SLC35F2: variants seen among roughly 807,000 people sequenced by gnomAD.
The protein encoded by SLC35F2 is queuine/queuosine transporter SLC35F2.
Under a neutral mutation model 38.1 loss-of-function variants are expected in SLC35F2, and 25 were observed. That is an observed-to-expected ratio of 0.66 (90% CI 0.48 to 0.92). SLC35F2 has a LOEUF of 0.92. Ranked by LOEUF, SLC35F2 falls within the 40% of genes least tolerant of loss-of-function variation. The pLI, the probability that SLC35F2 is intolerant of heterozygous loss-of-function variation, is 0.00. For synonymous variants in SLC35F2, 173 were observed against 181.7 expected, an observed-to-expected ratio of 0.95 and a Z score of 0.38; for missense variants, 409 against 452.9, an observed-to-expected ratio of 0.90 and a Z score of 0.88.
At chr11:107,843,560 A>C (rs923833770) in intron 1 of SLC35F2, among the ~76,000 whole-genome samples, 3 of 151,772 alleles carry the variant, frequency 2.0e-5, no homozygotes, top group Non-Finnish European at 4.4e-5. Context: ...CAAAAAAAAA[A>C]AAAAATTAAT....
chr11:107,798,532 C>T (rs981752599), intron 7 of SLC35F2, among the ~76,000 whole-genome samples: 4 of 152,084 alleles, frequency 2.6e-5, no homozygotes, highest in African/African-American at 4.8e-5. Context: ...GAATTAGAGG[C>T]GCTTACTTCT....
At chr11:107,816,075 CTAAT>C in intron 1 of SLC35F2, 110 bp from the exon 2 acceptor site, 1 of 1,313,424 alleles carries the variant, frequency 7.6e-7, no homozygotes, top group Admixed American at 3.8e-5. Flanking sequence ...AAGGGAAATG[CTAAT>C]TATTCCAGGT....
intron 7 of SLC35F2, among the ~76,000 whole-genome samples, chr11:107,795,789 TG>T (rs965131079): frequency 4.6e-5 from 7 of 152,328 alleles, no homozygotes; most frequent in African/African-American, 1.7e-4. Flanking sequence ...TCAGTTAGAA[TG>T]GCTATTATTA....
At chr11:107,823,310 G>A in intron 1 of SLC35F2, 1 of 590,570 alleles carries the variant, frequency 1.7e-6, no homozygotes. Flanking sequence ...TTATTTGAAT[G>A]CAAATTATGC....
chr11:107,803,255 C>T (rs1859342159), intron 6 of SLC35F2, 100 bp from the exon 7 acceptor site: 2 of 1,403,392 alleles, frequency 1.4e-6, no homozygotes, highest in Admixed American at 3.1e-5. Flanking sequence ...AACCCTTTAA[C>T]ATATTATGTA....
Position 107,791,013 on chromosome 11 carries a change from C to T in SLC35F2, c.*1602G>A, listed in dbSNP as rs1859122381. On this transcript the variant is annotated 3_prime_UTR_variant, in exon 8 of 8. Transcript: ENST00000525815. ...TGATGTATTTCCATGAATTCAAAGCCTTTTAATGATGTGAACACTTACTCC... is the reference window on the plus strand; with the variant it reads ...TGATGTATTTCCATGAATTCAAAGCTTTTTAATGATGTGAACACTTACTCC... 1.3e-5 allele frequency: 2 copies of T among 152,538 alleles called. No individual in the cohort carries two copies. The highest frequency in any genetic ancestry group is 2.4e-5 in the African/African-American group (1 of 41,428). 9.4% of individuals were successfully genotyped at this position (152,538 alleles called of 1,614,324 possible).
chr11:107,842,741 T>G (rs1054958813), intron 1 of SLC35F2, among the ~76,000 whole-genome samples: 4 of 152,212 alleles, frequency 2.6e-5, no homozygotes, highest in African/African-American at 9.6e-5. Flanking sequence ...CATTATTTTA[T>G]GAAGTCTAAC....
chr11:107,845,140 A>G (rs1215060354), intron 1 of SLC35F2, among the ~76,000 whole-genome samples: 2 of 152,110 alleles, frequency 1.3e-5, no homozygotes, highest in Admixed American at 6.6e-5. Context: ...CTCTTCCCCC[A>G]AGTATATCCT....
intron 6 of SLC35F2, among the ~76,000 whole-genome samples, chr11:107,804,300 T>C (rs1859362033): frequency 6.6e-6 from 1 of 152,192 alleles, no homozygotes; most frequent in South Asian, 2.1e-4. Context: ...TTTATGCAGA[T>C]GCCTAGGAAT....
chr11:107,799,893 GTTT>G (rs71047621), intron 7 of SLC35F2, among the ~76,000 whole-genome samples: 3 of 135,866 alleles, frequency 2.2e-5, no homozygotes, highest in Admixed American at 7.9e-5. Flanking sequence ...GTTTGTTTTT[GTTT>G]TTTTTTTTTT....
chr11:107,802,326 T>G (rs1306968752), intron 7 of SLC35F2, among the ~76,000 whole-genome samples: 1 of 151,068 alleles, frequency 6.6e-6, no homozygotes, highest in African/African-American at 2.4e-5. Flanking sequence ...TCTCTGAGGA[T>G]GTTATTTTTT....
At chr11:107,810,463 T>C in intron 3 of SLC35F2, 3 of 983,120 alleles carry the variant, frequency 3.1e-6, no homozygotes, top group Non-Finnish European at 2.4e-6. Flanking sequence ...ATTATGAGAG[T>C]AGATGTGACA....
intron 7 of SLC35F2, among the ~76,000 whole-genome samples, chr11:107,797,399 G>T (rs1189152556): frequency 6.6e-6 from 1 of 151,972 alleles, no homozygotes; most frequent in Non-Finnish European, 1.5e-5. Flanking sequence ...GAAAAAGCAA[G>T]CAAGCTAGCT....
At chr11:107,805,053 T>G in intron 5 of SLC35F2, 1 of 985,290 alleles carries the variant, frequency 1.0e-6, no homozygotes, top group Non-Finnish European at 1.2e-6. Flanking sequence ...AGGAAGTTAA[T>G]GTGTTAATAT....
At chr11:107,844,216 T>C (rs1456617718) in intron 1 of SLC35F2, among the ~76,000 whole-genome samples, 1 of 152,114 alleles carries the variant, frequency 6.6e-6, no homozygotes, top group Non-Finnish European at 1.5e-5. Flanking sequence ...CCTGGTTGCA[T>C]TCCTTACTAC....
At chr11:107,841,315 C>A (rs1255009833) in intron 1 of SLC35F2, among the ~76,000 whole-genome samples, 1 of 152,178 alleles carries the variant, frequency 6.6e-6, no homozygotes, top group Non-Finnish European at 1.5e-5. Flanking sequence ...GTAATCCCAG[C>A]ACTTTGGGAG....
intron 1 of SLC35F2, among the ~76,000 whole-genome samples, chr11:107,822,993 AAT>A (rs759758616): frequency 6.6e-6 from 1 of 152,008 alleles, no homozygotes; most frequent in South Asian, 2.1e-4. Context: ...ACATATATAT[AAT>A]ATATATATGA....
chr11:107,810,282 GT>G (rs1244680511), intron 3 of SLC35F2: 1 of 985,320 alleles, frequency 1.0e-6, no homozygotes, highest in Non-Finnish European at 1.2e-6. Flanking sequence ...GAAAGAAATT[GT>G]TTTCAATTTC....
intron 1 of SLC35F2, among the ~76,000 whole-genome samples, chr11:107,825,706 C>G (rs1334616521): frequency 6.6e-6 from 1 of 152,074 alleles, no homozygotes; most frequent in African/African-American, 2.4e-5. Flanking sequence ...TCAGGAGATA[C>G]TTATGCTGCT....
Sources: gnomAD v4.1 joint callset for allele counts (sites outside exome capture counted in the v4.1 genomes callset) on GRCh38, gnomAD v4.1.1 for gene constraint, MANE v1.5 for transcripts, NCBI Gene and HGNC (gene_info 2026-07-23, HGNC 2026-07-21) for gene names.